The following FASN variants were observed in gnomAD, a reference collection of about 807,000 sequenced individuals.
FASN encodes 3-hydroxyacyl-[acyl-carrier-protein] dehydratase.
A neutral mutation model predicts 250.0 loss-of-function variants in FASN; 50 were observed. The ratio of observed to expected loss-of-function variants is 0.20; its 90% CI spans 0.16 to 0.25. The LOEUF (loss-of-function observed/expected upper bound fraction) is 0.25, where lower values mean the gene tolerates loss of function less well. Among genes scored for constraint, FASN ranks in the 10% least tolerant of loss-of-function variants. FASN has a pLI of 1.00. For missense variants in FASN, 3,031 were observed against 3,498.5 expected (o/e 0.87, Z 3.37); for synonymous variants, 1,909 against 1,584.0 (o/e 1.21, Z -4.87).
In FASN at chr17:82,086,335, G is replaced by T; in HGVS notation, c.3651C>A (p.Gly1217=). The T allele has an allele frequency of 6.2e-7, 1 of 1,605,152 alleles. No homozygotes were observed. ...PKLPEDPLLS[G]LLDSPALKAC... is the part of the protein sequence containing the mutation. ...CCTTGAGTGCCGGGGAGTCCAGGAG[G>T]CCGCTGAGCAGAGGGTCCTCTGGCA... The change falls in exon 22 of 43, where the codon GGC becomes GGA. Residue 1217 remains glycine (G), a synonymous_variant. Transcript: ENST00000306749.
rs1419321772 is a variant in FASN, at chr17:82,082,019, T to G, written c.6153A>C (p.Glu2051Asp). 1.1e-5 allele frequency: 17 copies of G among 1,608,630 alleles called. No individual in the cohort carries two copies. The highest frequency in any genetic ancestry group is 1.4e-5 in the Non-Finnish European group (17 of 1,179,882). The stretch of plus-strand genomic sequence containing the variant: ...GAGGGTGGGGCCCACCTGGGAGGCC[T>G]TCGTGCCGGCGTTTCTCACAGATAC... ...MERICEKRRH[E>D]GLPGLAVQWG... The change falls in exon 36 of 43, where the codon GAA becomes GAC. Residue 2051 changes from glutamate (E) to aspartate (D), a missense_variant. Physicochemically the swap from Glu to Asp is conservative, Grantham distance 45. Coordinates refer to ENST00000306749, the MANE Select transcript of FASN (RefSeq NM_004104.5).
chr17:82,081,501 G>A, intron 37 of FASN, 100 bp downstream of exon 37: 1 of 1,592,402 alleles, frequency 6.3e-7, no homozygotes, highest in Non-Finnish European at 8.5e-7. Context: ...TGGCTCTGCA[G>A]ATGGGGAAAC....
At position 82,081,186 on chromosome 17, in the gene FASN, G is replaced by A; in HGVS notation, c.6573C>T (p.Ser2191=). The A allele has an allele frequency of 1.3e-6, 2 of 1,592,520 alleles. No homozygotes were observed. Among genetic ancestry groups the A allele is most frequent in the Non-Finnish European group, 8.5e-7 (1 of 1,170,636 alleles). ...CACCGCTGGCCTCATCCGCCTTTGA[G>A]GACAGCTCCTGCAGTTTCCGGAGCG... is the stretch of plus-strand genomic sequence containing the variant. The part of the protein sequence containing the change: ...QLTLRKLQEL[S]SKADEASELA... The change falls in exon 38 of 43, where the codon TCC becomes TCT. Residue 2191 remains serine (S), a synonymous_variant. Transcript: ENST00000306749.
intron 40 of FASN, 39 bp from the exon 41 acceptor site, chr17:82,080,277 C>G (rs373842180): frequency 6.2e-7 from 1 of 1,611,088 alleles, no homozygotes; most frequent in Non-Finnish European, 8.5e-7. Context: ...ATGGAAGGGG[C>G]GGGGCCTCCT....
At chr17:82,086,653 C>T in intron 21 of FASN, 95 bp from the exon 22 acceptor site, 1 of 924,560 alleles carries the variant, frequency 1.1e-6, no homozygotes, top group Non-Finnish European at 1.7e-6. Context: ...CTGGGGCCAC[C>T]ACCCCGCTCT....
In FASN at chr17:82,080,518, C is replaced by A. The variant is rs1374553458; in HGVS notation, c.6899G>T (p.Gly2300Val). The part of the protein sequence containing the change: ...IDCIRQVQPE[G>V]PYRVAGYSYG... ...GGAGTAGCCGGCCACGCGGTAGGGG[C>A]CCTCGGGCTGCACCTGCCTGATGCA... Residue 2300 changes from glycine to valine, a missense_variant, in exon 40 of 43, where the codon GGC (glycine) becomes GTC (valine). By Grantham distance (109) the Gly-to-Val change is moderately radical. Transcript: ENST00000306749. 6.4e-7 allele frequency: 1 copy of A among 1,562,174 alleles called. No homozygotes were observed. Among genetic ancestry groups the A allele is most frequent in the East Asian group, 2.4e-5 (1 of 41,938 alleles).
At position 82,081,366 on chromosome 17, in the gene FASN, G is replaced by A. The variant is rs377195566; in HGVS notation, c.6407-14C>T. 51 of 1,557,746 alleles carry A rather than the reference G, an allele frequency of 3.3e-5. No individual in the cohort carries two copies. In the African/African-American group the frequency reaches 5.2e-4, roughly 16 times the overall value. On this transcript the variant is annotated splice_polypyrimidine_tract_variant and intron_variant, in intron 37 of 42. Coordinates refer to ENST00000306749, the MANE Select transcript of FASN (RefSeq NM_004104.5). ...AGTCGCGGATGCCTGGAAGGGATGC[G>A]CCGGGTCGGCAACTCCAGAGGGGGC...
chr17:82,094,293 G>C (rs2034267493), intron 3 of FASN: 1 of 207,920 alleles, frequency 4.8e-6, no homozygotes, highest in Non-Finnish European at 9.9e-6. Context: ...CATAACCTTA[G>C]TCTTGGGGTG....
In FASN at chr17:82,078,791, T is replaced by TG; in HGVS notation, c.*351dup. 1 of 381,092 alleles carries TG rather than the reference T, an allele frequency of 2.6e-6. No homozygotes were observed. Among genetic ancestry groups the TG allele is most frequent in the Admixed American group, 3.8e-5 (1 of 26,154 alleles). 23.6% of individuals were successfully genotyped at this position (381,092 alleles called of 1,614,324 possible). ...GGAGTCTTGGCAGGGTGGACAGGCCTGGGGGTCTCTACCAGCAATGCAATA... is the reference window on the plus strand; with the variant it reads ...GGAGTCTTGGCAGGGTGGACAGGCCTGGGGGGTCTCTACCAGCAATGCAATA... On this transcript the variant is annotated 3_prime_UTR_variant, in exon 43 of 43. Transcript: ENST00000306749. The surrounding 1 kb of genome is among the most constrained non-coding windows in gnomAD (Gnocchi z 5.4).
chr17:82,093,856 C>A, intron 3 of FASN, 85 bp from the exon 4 acceptor site: 1 of 1,347,838 alleles, frequency 7.4e-7, no homozygotes, highest in Non-Finnish European at 9.9e-7. Flanking sequence ...GGGCGAAGGT[C>A]CCATCTTGGC....
At chr17:82,085,441 T>C (rs1231013854) in intron 23 of FASN, 39 bp from the exon 24 acceptor site, 2 of 1,596,898 alleles carry the variant, frequency 1.3e-6, no homozygotes, top group Non-Finnish European at 1.7e-6. Flanking sequence ...CGCCTGGCCC[T>C]CACCCGGCCC....
intron 34 of FASN, 31 bp from the exon 35 acceptor site, chr17:82,082,445 G>A (rs898716719): frequency 2.0e-5 from 32 of 1,612,058 alleles, no homozygotes; most frequent in Non-Finnish European, 2.7e-5. Context: ...ACTCCCTGCA[G>A]CTCCAGGGCC....
rs762565405 is a variant in FASN at position 82,085,470 on chromosome 17, C to T, written c.4122+12G>A. On this transcript the variant is annotated intron_variant, in intron 23 of 42. Transcript: ENST00000306749. ...CCGGCCCCCACCCTGTCCCCCTGCC[C>T]GGCGGCCGCACCTGGCTCAGGATGC... 1.2e-5 allele frequency: 19 copies of T among 1,589,940 alleles called. No individual in the cohort carries two copies. The highest frequency in any genetic ancestry group is 3.4e-5 in the South Asian group (3 of 87,900).
At chr17:82,086,688 G>C in intron 21 of FASN, 130 bp from the exon 22 acceptor site, 1 of 772,756 alleles carries the variant, frequency 1.3e-6, no homozygotes, top group Non-Finnish European at 2.2e-6. Flanking sequence ...AAATAGCTGA[G>C]GGTTGAGGAA....
Position 82,083,186 on chromosome 17 carries a change from G to C in FASN, c.5565+16C>G. The C allele has an allele frequency of 6.2e-7, 1 of 1,612,044 alleles. No homozygotes were observed. The highest frequency in any genetic ancestry group is 8.5e-7 in the Non-Finnish European group (1 of 1,179,950). ...AGAGCCTGGGGTGCCCGAGGCGCCG[G>C]GACTCCTCCCCTCACCTGCACGACG... On this transcript the variant is annotated intron_variant, in intron 32 of 42. Transcript: ENST00000306749.
rs2033990986 is a variant in FASN at position 82,081,734 on chromosome 17, G to A, written c.6273C>T (p.Cys2091=). 1.9e-6 allele frequency: 3 copies of A among 1,612,596 alleles called. No homozygotes were observed. The highest frequency in any genetic ancestry group is 1.7e-5 in the Admixed American group (1 of 59,994). Residue 2091 remains cysteine, a synonymous_variant, in exon 37 of 43, where the codon TGC becomes TGT. Transcript: ENST00000306749. ...SGTLPQRMAS[C]LEVLDLFLNQ... Reference sequence around the variant, plus strand: ...TCAGGAAGAGGTCCAGCACCTCCAGGCAGGACGCCATGCGCTGGGGCAGCG... The same window carrying A: ...TCAGGAAGAGGTCCAGCACCTCCAGACAGGACGCCATGCGCTGGGGCAGCG...
chr17:82,082,473 G>A (rs1008336688), intron 34 of FASN, 54 bp downstream of exon 34: 3 of 1,611,444 alleles, frequency 1.9e-6, no homozygotes, highest in Middle Eastern at 1.6e-4. Flanking sequence ...TCCACCCAGG[G>A]TCCCCCCCTT....
rs568327153 is a variant in FASN, at chr17:82,094,539, C to T, written c.281-768G>A. On this transcript the variant is annotated intron_variant, in intron 3 of 42. Transcript: ENST00000306749. ...GGCGTGGTGGCTCATGCCTGTAATCCCAGCACTTTGGGAAGCTGAGATGGA... is the reference window on the plus strand; with the variant it reads ...GGCGTGGTGGCTCATGCCTGTAATCTCAGCACTTTGGGAAGCTGAGATGGA... Among the ~76,000 whole-genome samples, 13 of 152,112 alleles carry T rather than the reference C, an allele frequency of 8.5e-5. No homozygotes were observed. In the South Asian group the frequency reaches 2.3e-3, roughly 27 times the overall value.
rs370471613 is a variant in FASN, at chr17:82,088,042, G to A, written c.2786-8C>T. 2 of 1,612,658 alleles carry A rather than the reference G, an allele frequency of 1.2e-6. No individual in the cohort carries two copies. The highest frequency in any genetic ancestry group is 8.5e-7 in the Non-Finnish European group (1 of 1,179,856). ...CCTCCAGGGACACTGTCCCTGCAGA[G>A]CGGGAGAGTTGGAGATCAGAGGGCA... On this transcript the variant is annotated splice_polypyrimidine_tract_variant and splice_region_variant and intron_variant, in intron 17 of 42. Transcript: ENST00000306749.
Sources: allele counts gnomAD v4.1 joint callset (sites outside exome capture counted in the v4.1 genomes callset), GRCh38; gene constraint gnomAD v4.1.1; non-coding constraint Gnocchi (gnomAD v3.1); transcripts MANE v1.5; gene names NCBI Gene and HGNC (gene_info 2026-07-23, HGNC 2026-07-21).